Variants in MYRIP observed in about 807,000 individuals in gnomAD.
The protein encoded by MYRIP is rab effector MyRIP.
A neutral mutation model predicts 98.0 loss-of-function variants in MYRIP; 49 were observed. That is an observed-to-expected ratio of 0.50 (90% CI 0.40 to 0.63). The LOEUF is 0.63. MYRIP is among the 30% of genes least tolerant of loss of function. The pLI is 0.00. For missense variants in MYRIP, 1,004 were observed against 1,058.2 expected, an observed-to-expected ratio of 0.95 and a Z score of 0.71; for synonymous variants, 404 against 409.5, an observed-to-expected ratio of 0.99 and a Z score of 0.16.
chr3:39,904,196 A>G (rs995817155), intron 2 of MYRIP, among the ~76,000 whole-genome samples: 1 of 152,160 alleles, frequency 6.6e-6, no homozygotes. Flanking sequence ...AAATTCTGCT[A>G]TTTAAATTTT....
chr3:39,860,214 G>A (rs892412968), intron 1 of MYRIP, among the ~76,000 whole-genome samples: 2 of 152,180 alleles, frequency 1.3e-5, no homozygotes, highest in African/African-American at 2.4e-5. Context: ...GGTGTGAGTT[G>A]AGCAGGTGAG....
intron 1 of MYRIP, among the ~76,000 whole-genome samples, chr3:39,871,155 C>G (rs67866165): frequency 0.051 from 7,719 of 152,126 alleles, 227 homozygotes; most frequent in African/African-American, 0.065. Flanking sequence ...GAAGCAGATA[C>G]CTTTGGGAGA....
intron 3 of MYRIP, among the ~76,000 whole-genome samples, chr3:40,112,550 C>G (rs2125902879): frequency 1.3e-5 from 2 of 152,300 alleles, no homozygotes; most frequent in East Asian, 3.9e-4. Flanking sequence ...TTTGAGCAGT[C>G]CTAATATTTC....
intron 2 of MYRIP, among the ~76,000 whole-genome samples, chr3:39,915,346 A>G (rs1403563305): frequency 6.6e-6 from 1 of 151,922 alleles, no homozygotes; most frequent in African/African-American, 2.4e-5. Context: ...CCTAAGATCA[A>G]CCCCTTTTAA....
intron 2 of MYRIP, among the ~76,000 whole-genome samples, chr3:39,931,228 T>A (rs982254388): frequency 1.3e-5 from 2 of 152,054 alleles, no homozygotes; most frequent in Admixed American, 1.3e-4. Flanking sequence ...TGTTTGTAGT[T>A]TTCCATGTAC....
intron 11 of MYRIP, among the ~76,000 whole-genome samples, chr3:40,224,858 G>A (rs867439952): frequency 6.6e-6 from 1 of 152,168 alleles, no homozygotes; most frequent in Non-Finnish European, 1.5e-5. Context: ...TCTTTCCACA[G>A]TTCTGTGCCA....
At chr3:39,917,927 C>CT (rs36057099) in intron 2 of MYRIP, among the ~76,000 whole-genome samples, 56,295 of 146,010 alleles carry the variant, frequency 0.39, 11,893 homozygotes, top group Non-Finnish European at 0.5. Flanking sequence ...GACTTCCATT[C>CT]TTTTTTTTTT....
rs532181604 is a variant in MYRIP, at chr3:39,909,095, A to G, written c.110+8169A>G. ...TGAGAGCAGGTGCATTTAATGGTGC[A>G]GTGGGAGGCAGGACACAGCTCTGGT... On this transcript the variant is annotated intron_variant, in intron 2 of 16. Transcript: ENST00000302541. 3.3e-5 allele frequency among the ~76,000 whole-genome samples: 5 copies of G among 152,296 alleles called. No individual in the cohort carries two copies. In the East Asian group the frequency reaches 9.7e-4, roughly 29 times the overall value.
rs191331816 is a variant in MYRIP, at chr3:39,943,397, T to C, written c.110+42471T>C. On this transcript the variant is annotated intron_variant, in intron 2 of 16. Transcript: ENST00000302541. ...TACTCTGATGCAGTGGTCCTGATTTTAGAGCAGGTTCTTAGGATTAAAGTG... is the reference window on the plus strand; with the variant it reads ...TACTCTGATGCAGTGGTCCTGATTTCAGAGCAGGTTCTTAGGATTAAAGTG... 2.1e-3 allele frequency among the ~76,000 whole-genome samples: 317 copies of C among 152,268 alleles called. 1 individual carries two copies. Among genetic ancestry groups the C allele is most frequent in the Non-Finnish European group, 3.4e-3 (230 of 68,006 alleles).
chr3:40,171,290 G>T (rs1950607204), intron 8 of MYRIP, among the ~76,000 whole-genome samples: 1 of 152,100 alleles, frequency 6.6e-6, no homozygotes. Context: ...TGAGTTGAAA[G>T]ATTGAGAATA....
intron 10 of MYRIP, 63 bp from the exon 11 acceptor site, chr3:40,209,791 G>A (rs2679798): frequency 0.5 from 795,779 of 1,594,510 alleles, 209,185 homozygotes; most frequent in Non-Finnish European, 0.55. Context: ...GGGTTATTGG[G>A]AACAAGAAGC....
intron 1 of MYRIP, among the ~76,000 whole-genome samples, chr3:39,834,404 TTAAC>T (rs1941560740): frequency 6.6e-6 from 1 of 152,198 alleles, no homozygotes; most frequent in Non-Finnish European, 1.5e-5. Context: ...AGGAATAAAT[TTAAC>T]AAACAAAACA....
intron 3 of MYRIP, among the ~76,000 whole-genome samples, chr3:40,079,665 C>G (rs534660401): frequency 3.9e-5 from 6 of 152,266 alleles, no homozygotes; most frequent in African/African-American, 1.2e-4. Flanking sequence ...ATTCCAAGAG[C>G]CTTTGCAAAA....
Position 40,182,969 on chromosome 3 carries a change from G to C in MYRIP, c.1027+596G>C, listed in dbSNP as rs1409500188. On this transcript the variant is annotated intron_variant, in intron 9 of 16. Coordinates refer to ENST00000302541, the MANE Select transcript of MYRIP (RefSeq NM_015460.4). ...CAACAGTGCAGTACAAGTACCCCTG[G>C]CCTGTGGGAAGCCTTCAGAGGCCAA... 3.3e-5 allele frequency among the ~76,000 whole-genome samples: 5 copies of C among 152,136 alleles called. No individual in the cohort carries two copies. In the East Asian group the frequency reaches 9.6e-4, roughly 29 times the overall value.
intron 3 of MYRIP, among the ~76,000 whole-genome samples, chr3:40,063,720 A>G (rs1164947696): frequency 4.6e-5 from 7 of 152,198 alleles, no homozygotes; most frequent in South Asian, 2.1e-4. Context: ...AATTTCTTTT[A>G]TAAGGAAAAA....
At chr3:40,122,956 A>G (rs1949435736) in intron 3 of MYRIP, among the ~76,000 whole-genome samples, 2 of 152,174 alleles carry the variant, frequency 1.3e-5, no homozygotes, top group Admixed American at 1.3e-4. Context: ...GGTTTGGTAT[A>G]CAGATTATTT....
chr3:39,942,582 A>G (rs1024969437), intron 2 of MYRIP, among the ~76,000 whole-genome samples: 18 of 152,190 alleles, frequency 1.2e-4, no homozygotes. Flanking sequence ...TGAAACATTC[A>G]TATAATGTGT....
chr3:39,998,601 G>A (rs1326073400), intron 2 of MYRIP, among the ~76,000 whole-genome samples: 1 of 152,122 alleles, frequency 6.6e-6, no homozygotes, highest in Non-Finnish European at 1.5e-5. Flanking sequence ...TGGCCATACT[G>A]CCCAAGGTAA....
chr3:40,171,376 A>G (rs892039211), intron 8 of MYRIP, among the ~76,000 whole-genome samples: 1 of 152,188 alleles, frequency 6.6e-6, no homozygotes. Context: ...GGAGCAGGGG[A>G]GCAAAAGCCC....
Sources: allele counts gnomAD v4.1 joint callset (sites outside exome capture counted in the v4.1 genomes callset), GRCh38; gene constraint gnomAD v4.1.1; transcripts MANE v1.5; gene names NCBI Gene and HGNC (gene_info 2026-07-23, HGNC 2026-07-21).